FAM111B: variants seen among roughly 807,000 people sequenced by gnomAD.
FAM111B encodes the protein FAM111 trypsin like peptidase B, also known as serine protease FAM111B.
FAM111B carries 1 observed loss-of-function variant against 2.8 expected under a neutral mutation model. That is an observed-to-expected ratio of 0.36 (90% confidence interval 0.13 to 1.70). The LOEUF is 1.70. FAM111B is among the 40% of genes most tolerant of loss of function. FAM111B has a pLI of 0.35. For missense variants in FAM111B, 882 were observed against 878.9 expected, an observed-to-expected ratio of 1.00 and a Z score of -0.04; for synonymous variants, 297 against 295.6, an observed-to-expected ratio of 1.00 and a Z score of -0.05.
rs1248088169 is a variant in FAM111B at position 59,114,976 on chromosome 11, C to A, written c.81+5270C>A. On this transcript the variant is annotated intron_variant, in intron 3 of 3. Coordinates refer to ENST00000343597, the MANE Select transcript of FAM111B (RefSeq NM_198947.4). ...TCCTAGATGGAAATATCTAGAGGAACAACATTGAAGATAGAGAAAACAGCA... is the reference window on the plus strand; with the variant it reads ...TCCTAGATGGAAATATCTAGAGGAAAAACATTGAAGATAGAGAAAACAGCA... 3.9e-5 allele frequency among the ~76,000 whole-genome samples: 6 copies of A among 152,052 alleles called. No homozygotes were observed. In the South Asian group the frequency reaches 8.3e-4, roughly 21 times the overall value.
At position 59,124,403 on chromosome 11, in the gene FAM111B, A is replaced by G. The variant is rs1389834588; in HGVS notation, c.306A>G (p.Lys102=). 1 of 1,613,742 alleles carries G rather than the reference A, an allele frequency of 6.2e-7. No homozygotes were observed. The highest frequency in any genetic ancestry group is 2.2e-5 in the East Asian group (1 of 44,874). ...GTAGTGTGTTTACAGCATATGGTAAACCCAGCGAGAGTATCTACTCAGCCC... is the reference window on the plus strand; with the variant it reads ...GTAGTGTGTTTACAGCATATGGTAAGCCCAGCGAGAGTATCTACTCAGCCC... ...LDRSVFTAYG[K]PSESIYSALS... is the part of the protein sequence containing the mutation. Residue 102 remains lysine, a synonymous_variant, in exon 4 of 4, where the codon AAA becomes AAG. Coordinates refer to ENST00000343597, the MANE Select transcript of FAM111B (RefSeq NM_198947.4).
chr11:59,126,026 T>C lies in FAM111B; in HGVS notation c.1929T>C (p.Thr643=). Residue 643 remains threonine, a synonymous_variant, in exon 4 of 4, where the codon ACT becomes ACC. Transcript: ENST00000343597. ...VWNTHTLSYD[T]CFSDGSSGSP... is the part of the protein sequence containing the mutation. Reference sequence around the variant, plus strand: ...ACACACACACGCTTAGTTATGATACTTGTTTCTCTGATGGGTCCTCAGGCT... The same window carrying C: ...ACACACACACGCTTAGTTATGATACCTGTTTCTCTGATGGGTCCTCAGGCT... 6 of 1,614,002 alleles carry C rather than the reference T, an allele frequency of 3.7e-6. No homozygotes were observed. Among genetic ancestry groups the C allele is most frequent in the Non-Finnish European group, 5.1e-6 (6 of 1,179,890 alleles).
chr11:59,109,394 G>A, intron 2 of FAM111B, 146 bp from the exon 3 acceptor site: 1 of 324,142 alleles, frequency 3.1e-6, no homozygotes, highest in Non-Finnish European at 5.7e-6. Context: ...GATATGCCTT[G>A]GAAACTCCAT....
chr11:59,116,899 G>A (rs1012589866), intron 3 of FAM111B, among the ~76,000 whole-genome samples: 18 of 152,208 alleles, frequency 1.2e-4, no homozygotes, highest in African/African-American at 3.1e-4. Flanking sequence ...GACTCTGAAC[G>A]TGAGAGGTCA....
In FAM111B at chr11:59,126,387, A is replaced by C; in HGVS notation, c.*85A>C. The C allele has an allele frequency of 8.5e-7, 1 of 1,183,400 alleles. No individual in the cohort carries two copies. The highest frequency in any genetic ancestry group is 1.2e-6 in the Non-Finnish European group (1 of 863,494). The allele number at this position is 1,183,400 out of a possible 1,614,324, so 73.3% of individuals were successfully genotyped here. On this transcript the variant is annotated 3_prime_UTR_variant, in exon 4 of 4. Coordinates refer to ENST00000343597, the MANE Select transcript of FAM111B (RefSeq NM_198947.4). ...AAGACACTTAAAGCAATTGCAACAAAAGTGAAAATTGGCAAATGAGACCTA... is the reference window on the plus strand; with the variant it reads ...AAGACACTTAAAGCAATTGCAACAACAGTGAAAATTGGCAAATGAGACCTA...
intron 3 of FAM111B, among the ~76,000 whole-genome samples, chr11:59,110,994 G>A (rs1859749625): frequency 6.6e-6 from 1 of 152,152 alleles, no homozygotes; most frequent in South Asian, 2.1e-4. Context: ...TCACATGAGT[G>A]GACATTCCAG....
intron 3 of FAM111B, among the ~76,000 whole-genome samples, chr11:59,123,453 T>TAA (rs1374077766): frequency 3.3e-5 from 5 of 152,184 alleles, no homozygotes; most frequent in Admixed American, 2.6e-4. Flanking sequence ...TTAGGCAGAA[T>TAA]ATATGTTGCA....
Position 59,124,807 on chromosome 11 carries a change from A to C in FAM111B, c.710A>C (p.Glu237Ala). The C allele has an allele frequency of 1.2e-6, 2 of 1,613,888 alleles. No individual in the cohort carries two copies. Among genetic ancestry groups the C allele is most frequent in the Non-Finnish European group, 1.7e-6 (2 of 1,179,830 alleles). The part of the protein sequence containing the change: ...KDGRFRSDIG[E>A]FEWKLKEGHK... ...GGCCGTTTTCGGTCTGACATAGGTG[A>C]ATTTGAATGGAAACTAAAGGAAGGT... Residue 237 changes from glutamate to alanine, a missense_variant, in exon 4 of 4, where the codon GAA becomes GCA. Transcript: ENST00000343597.
rs760908224 is a variant in FAM111B at position 59,109,722 on chromosome 11, T to C, written c.81+16T>C. 6.5e-5 allele frequency: 100 copies of C among 1,546,236 alleles called. 1 individual carries two copies. Among genetic ancestry groups the C allele is most frequent in the Non-Finnish European group, 8.4e-5 (94 of 1,121,586 alleles). Reference sequence around the variant, plus strand: ...AGTTTCAAAGGTATATCTACTTTTTTACAACTCCTCAGAGGAGTGATAGTC... The same window carrying C: ...AGTTTCAAAGGTATATCTACTTTTTCACAACTCCTCAGAGGAGTGATAGTC... On this transcript the variant is annotated intron_variant, in intron 3 of 3. Transcript: ENST00000343597.
Position 59,124,784 on chromosome 11 carries a change from C to A in FAM111B, c.687C>A (p.Gly229=). The A allele has an allele frequency of 1.9e-6, 3 of 1,613,724 alleles. No individual in the cohort carries two copies. The highest frequency in any genetic ancestry group is 2.5e-6 in the Non-Finnish European group (3 of 1,179,800). ...TTGAAGGAGCCTTATGCAAGGATGG[C>A]CGTTTTCGGTCTGACATAGGTGAAT... ...ETIEGALCKD[G]RFRSDIGEFE... is the part of the protein sequence containing the mutation. Residue 229 remains glycine (G), a synonymous_variant, in exon 4 of 4, where the codon GGC becomes GGA. Transcript: ENST00000343597.
At chr11:59,123,811 G>A (rs981221524) in intron 3 of FAM111B, among the ~76,000 whole-genome samples, 1 of 152,164 alleles carries the variant, frequency 6.6e-6, no homozygotes, top group Non-Finnish European at 1.5e-5. Context: ...TCCATTTCAA[G>A]TTAGGTAAAA....
chr11:59,126,023 T>C lies in FAM111B; in HGVS notation c.1926T>C (p.Asp642=). The change falls in exon 4 of 4, where the codon GAT becomes GAC. Residue 642 remains aspartate, a synonymous_variant. Coordinates refer to ENST00000343597, the MANE Select transcript of FAM111B (RefSeq NM_198947.4). ...EVWNTHTLSY[D]TCFSDGSSGS... ...GGAACACACACACGCTTAGTTATGA[T>C]ACTTGTTTCTCTGATGGGTCCTCAG... The C allele has an allele frequency of 1.9e-6, 3 of 1,613,952 alleles. No homozygotes were observed. The highest frequency in any genetic ancestry group is 2.5e-6 in the Non-Finnish European group (3 of 1,179,856).
rs1860018433 is a variant in FAM111B, at chr11:59,125,817, A to G, written c.1720A>G (p.Ile574Val). Residue 574 changes from isoleucine to valine, a missense_variant, in exon 4 of 4, where the codon ATT becomes GTT. Ile to Val is a conservative substitution (Grantham distance 29). Coordinates refer to ENST00000343597, the MANE Select transcript of FAM111B (RefSeq NM_198947.4). Reference sequence around the variant, plus strand: ...TTCTCCTCAACCATCTACTGGTTTGATTTATTTAATTGGTCATCCTGAAGG... The same window carrying G: ...TTCTCCTCAACCATCTACTGGTTTGGTTTATTTAATTGGTCATCCTGAAGG... ...QISPQPSTGLIYLIGHPEGQI... is the reference protein window; with the variant it reads ...QISPQPSTGLVYLIGHPEGQI... 1.9e-6 allele frequency: 3 copies of G among 1,613,902 alleles called. No homozygotes were observed. The highest frequency in any genetic ancestry group is 2.5e-6 in the Non-Finnish European group (3 of 1,179,818).
At position 59,126,644 on chromosome 11, in the gene FAM111B, G is replaced by GA. The variant is rs1860041046; in HGVS notation, c.*348dup. 5.5e-6 allele frequency: 1 copy of GA among 180,540 alleles called. No homozygotes were observed. The highest frequency in any genetic ancestry group is 1.2e-5 in the Non-Finnish European group (1 of 86,370). 11.2% of individuals were successfully genotyped at this position (180,540 alleles called of 1,614,324 possible). ...ATATACACATGGCCAACAAGGATAT[G>GA]AAAAAATACCTGATATCACTAATCA... On this transcript the variant is annotated 3_prime_UTR_variant, in exon 4 of 4. Transcript: ENST00000343597.
At chr11:59,119,886 C>G (rs1035332426) in intron 3 of FAM111B, among the ~76,000 whole-genome samples, 1 of 151,968 alleles carries the variant, frequency 6.6e-6, no homozygotes, top group Non-Finnish European at 1.5e-5. Flanking sequence ...GGGAACAAAG[C>G]ATATTCATGA....
At chr11:59,119,018 A>G (rs560484805) in intron 3 of FAM111B, among the ~76,000 whole-genome samples, 1 of 152,262 alleles carries the variant, frequency 6.6e-6, no homozygotes, top group Non-Finnish European at 1.5e-5. Flanking sequence ...TCTTTTTAGT[A>G]TTGTACTCAA....
In FAM111B at chr11:59,125,077, C is replaced by G; in HGVS notation, c.980C>G (p.Pro327Arg). ...CACAGCAGAGAGCAAATTCTCCCAC[C>G]TCAGGATCTAAGCCATTATATTAAA... ...VEHSREQILP[P>R]QDLSHYIKDK... Residue 327 changes from proline to arginine, a missense_variant, in exon 4 of 4, where the codon CCT (proline) becomes CGT (arginine). Coordinates refer to ENST00000343597, the MANE Select transcript of FAM111B (RefSeq NM_198947.4). 6.2e-7 allele frequency: 1 copy of G among 1,613,394 alleles called. No homozygotes were observed. The highest frequency in any genetic ancestry group is 8.5e-7 in the Non-Finnish European group (1 of 1,179,640).
At chr11:59,117,470 A>G (rs964507878) in intron 3 of FAM111B, among the ~76,000 whole-genome samples, 29 of 152,200 alleles carry the variant, frequency 1.9e-4, no homozygotes, top group Admixed American at 1.6e-3. Context: ...TTACCCCAAA[A>G]GGTTCCACCC....
rs751647292 is a variant in FAM111B, at chr11:59,125,473, AG to A, written c.1377del (p.Lys459AsnfsTer50). 55 of 1,613,882 alleles carry A rather than the reference AG, an allele frequency of 3.4e-5. No individual in the cohort carries two copies. The South Asian group carries it at 5.8e-4, about 17-fold the overall frequency. On this transcript the variant is annotated frameshift_variant, in exon 4 of 4. Coordinates refer to ENST00000343597, the MANE Select transcript of FAM111B (RefSeq NM_198947.4). LOFTEE classifies it low-confidence loss of function (END_TRUNC). Reference protein sequence around the residue: ...ATCEQLTYYSKSVGFMQWDNN... With the variant: ...ATCEQLTYYSXSVGFMQWDNN... Reference sequence around the variant, plus strand: ...TGCGAACAGCTTACATATTATAGCAAGTCAGTTGGGTTCATGCAATGGGACA... The same window carrying A: ...TGCGAACAGCTTACATATTATAGCAATCAGTTGGGTTCATGCAATGGGACA...
Sources: allele counts gnomAD v4.1 joint callset (sites outside exome capture counted in the v4.1 genomes callset), GRCh38; gene constraint gnomAD v4.1.1; transcripts MANE v1.5; gene names NCBI Gene and HGNC (gene_info 2026-07-23, HGNC 2026-07-21).